EGF: variants seen among roughly 807,000 people sequenced by gnomAD.
The protein encoded by EGF is epidermal growth factor.
In EGF, 95 loss-of-function variants were observed where a neutral mutation model predicts 143.8. The observed-to-expected ratio is 0.66, with a 90% CI of 0.56 to 0.78. EGF has a LOEUF of 0.78. Among genes scored for constraint, EGF ranks in the 30% least tolerant of loss-of-function variants. EGF has a pLI of 0.00. For synonymous variants in EGF, 510 were observed against 510.5 expected (o/e 1.00, Z 0.01); for missense variants, 1,320 against 1,470.9 (o/e 0.90, Z 1.68).
At position 109,980,086 on chromosome 4, in the gene EGF, G is replaced by A; in HGVS notation, c.2168G>A (p.Gly723Asp). ...GGCAAAGATAGAGTACGTCTCCAAGGCAGCATGCTGAAGCCCTCATCACTG... is the reference window on the plus strand; with the variant it reads ...GGCAAAGATAGAGTACGTCTCCAAGACAGCATGCTGAAGCCCTCATCACTG... ...RTGKDRVRLQ[G>D]SMLKPSSLVV... The change falls in exon 14 of 24, where the codon GGC becomes GAC. Residue 723 changes from glycine to aspartate, a missense_variant. Coordinates refer to ENST00000265171, the MANE Select transcript of EGF (RefSeq NM_001963.6). 2 of 1,613,778 alleles carry A rather than the reference G, an allele frequency of 1.2e-6. No homozygotes were observed. Among genetic ancestry groups the A allele is most frequent in the South Asian group, 1.1e-5 (1 of 91,008 alleles).
chr4:109,993,468 A>C, intron 19 of EGF, 99 bp downstream of exon 19: 1 of 1,542,318 alleles, frequency 6.5e-7, no homozygotes. Flanking sequence ...AAAATCATTC[A>C]GTTCAGGCAG....
intron 19 of EGF, among the ~76,000 whole-genome samples, chr4:109,994,308 G>A (rs960081591): frequency 6.6e-6 from 1 of 152,128 alleles, no homozygotes; most frequent in Non-Finnish European, 1.5e-5. Flanking sequence ...GAGACTCCAG[G>A]ATATTGGAGG....
intron 9 of EGF, among the ~76,000 whole-genome samples, chr4:109,963,510 C>A (rs1213405175): frequency 1.3e-5 from 2 of 152,102 alleles, no homozygotes; most frequent in African/African-American, 4.8e-5. Flanking sequence ...TAGCATCCGG[C>A]AAAGATTTGC....
intron 21 of EGF, chr4:110,001,520 C>A: frequency 1.4e-6 from 1 of 717,458 alleles, no homozygotes; most frequent in Non-Finnish European, 1.7e-6. Flanking sequence ...GGATCATTGC[C>A]AAAGGGCAGG....
chr4:109,973,957 G>T (rs2298993), intron 11 of EGF, among the ~76,000 whole-genome samples: 1 of 151,838 alleles, frequency 6.6e-6, no homozygotes, highest in African/African-American at 2.4e-5. Flanking sequence ...CTGAGGATTC[G>T]ACCAACCTTG....
At chr4:109,944,094 TA>T (rs1478719812) in intron 4 of EGF, 25 bp downstream of exon 4, 1 of 1,605,104 alleles carries the variant, frequency 6.2e-7, no homozygotes, top group South Asian at 1.1e-5. Context: ...TGGTATAAAA[TA>T]AAACAATTGT....
Position 110,012,083 on chromosome 4 carries a change from G to A in EGF, c.*628G>A, listed in dbSNP as rs1754043143. ...TTTATTTTTAAAATATTACACAGGA[G>A]GCTTCGGAGTTTCTTAGTCATTACT... On this transcript the variant is annotated 3_prime_UTR_variant, in exon 24 of 24. Transcript: ENST00000265171. 6.6e-6 allele frequency: 1 copy of A among 152,554 alleles called. No homozygotes were observed. Among genetic ancestry groups the A allele is most frequent in the African/African-American group, 2.4e-5 (1 of 41,396 alleles). 9.5% of individuals were successfully genotyped at this position (152,554 alleles called of 1,614,324 possible).
At chr4:109,999,650 T>C (rs1277824815) in intron 20 of EGF, 29 bp from the exon 21 acceptor site, 1 of 1,614,210 alleles carries the variant, frequency 6.2e-7, no homozygotes, top group Non-Finnish European at 8.5e-7. Flanking sequence ...CAGGCATCTC[T>C]GATGACCTCT....
rs1382904446 is a variant in EGF, at chr4:109,993,300, A to G, written c.2788A>G (p.Thr930Ala). Residue 930 changes from threonine (T) to alanine (A), a missense_variant, in exon 19 of 24, where the codon ACA (threonine) becomes GCA (alanine). Physicochemically the swap from Thr to Ala is moderately conservative, Grantham distance 58. This residue lies in a region of EGF where 1,186 missense variants were observed against 1,313.7 expected (regional missense o/e 0.90). Coordinates refer to ENST00000265171, the MANE Select transcript of EGF (RefSeq NM_001963.6). The stretch of plus-strand genomic sequence containing the variant: ...CAGCTGTGGAGAGAATGCCAGCTGC[A>G]CAAATACAGAGGGAGGCTATACCTG... ...EHSCGENASC[T>A]NTEGGYTCMC... The G allele has an allele frequency of 9.3e-6, 15 of 1,613,892 alleles. No individual in the cohort carries two copies. In the East Asian group the frequency reaches 3.3e-4, roughly 36 times the overall value.
chr4:109,961,643 T>C (rs1259724799), intron 7 of EGF, among the ~76,000 whole-genome samples: 2 of 152,176 alleles, frequency 1.3e-5, no homozygotes, highest in Non-Finnish European at 2.9e-5. Flanking sequence ...TAACTATAAT[T>C]CCTTCCTATC....
intron 21 of EGF, among the ~76,000 whole-genome samples, chr4:110,002,542 T>G (rs75740889): frequency 0.055 from 8,300 of 152,102 alleles, 766 homozygotes; most frequent in African/African-American, 0.19. Flanking sequence ...CTAAATAAAT[T>G]TTTCAAGTAT....
Position 109,999,811 on chromosome 4 carries a change from G to C in EGF, c.3138G>C (p.Leu1046=). 6.2e-7 allele frequency: 1 copy of C among 1,613,782 alleles called. No individual in the cohort carries two copies. Among genetic ancestry groups the C allele is most frequent in the Non-Finnish European group, 8.5e-7 (1 of 1,180,020 alleles). Residue 1046 remains leucine (L), a synonymous_variant, in exon 21 of 24, where the codon CTG becomes CTC. Transcript: ENST00000265171. Reference sequence around the variant, plus strand: ...TCTGCGTGGTGGTGCTTGTCATGCTGCTCCTCCTGAGCCTGTGGGGGGCCC... The same window carrying C: ...TCTGCGTGGTGGTGCTTGTCATGCTCCTCCTCCTGAGCCTGTGGGGGGCCC... ...VAVCVVVLVM[L]LLLSLWGAHY...
chr4:109,940,852 A>G, intron 1 of EGF, 94 bp from the exon 2 acceptor site: 1 of 1,261,466 alleles, frequency 7.9e-7, no homozygotes, highest in Non-Finnish European at 1.1e-6. Context: ...ATTAAAAATT[A>G]TTTCTGCTTG....
chr4:109,927,377 C>T (rs1006066431), intron 1 of EGF, among the ~76,000 whole-genome samples: 1 of 151,998 alleles, frequency 6.6e-6, no homozygotes, highest in Admixed American at 6.6e-5. Context: ...CAATTTTTAA[C>T]ATGCGGGGGG....
intron 5 of EGF, among the ~76,000 whole-genome samples, chr4:109,951,146 AAAAATAAAATAAAAT>A (rs59869160): frequency 0.026 from 3,425 of 132,968 alleles, 55 homozygotes; most frequent in African/African-American, 0.055. Context: ...GTCTCTACTA[AAAAATAAAATAAAAT>A]AAAATAAAAT....
intron 1 of EGF, among the ~76,000 whole-genome samples, chr4:109,932,377 A>ATATATATATATATATATATATATATATAT (rs1553929849): frequency 3.8e-4 from 47 of 123,874 alleles, no homozygotes; most frequent in Admixed American, 7.4e-4. Context: ...ATATATATAT[A>ATATATATATATATATATATATATATATAT]AATTTTTTTT....
chr4:109,980,739 C>A, intron 14 of EGF, 87 bp from the exon 15 acceptor site: 1 of 1,479,706 alleles, frequency 6.8e-7, no homozygotes, highest in Non-Finnish European at 9.4e-7. Flanking sequence ...AAAGCTATAG[C>A]TCCCTAAAAG....
intron 20 of EGF, among the ~76,000 whole-genome samples, chr4:109,999,165 A>T (rs1752222167): frequency 6.6e-6 from 1 of 151,402 alleles, no homozygotes; most frequent in South Asian, 2.1e-4. Context: ...TTTTTTTTTT[A>T]AAGGAAAAAA....
chr4:109,970,952 T>G (rs1250532613), intron 11 of EGF, among the ~76,000 whole-genome samples: 1 of 152,198 alleles, frequency 6.6e-6, no homozygotes, highest in Non-Finnish European at 1.5e-5. Flanking sequence ...TTTGTTCATC[T>G]AATCATACCT....
Sources: allele counts gnomAD v4.1 joint callset (sites outside exome capture counted in the v4.1 genomes callset), GRCh38; gene constraint gnomAD v4.1.1; regional missense constraint gnomAD v4.1.1; transcripts MANE v1.5; gene names NCBI Gene and HGNC (gene_info 2026-07-23, HGNC 2026-07-21).